Variants in SATB2 observed in about 807,000 individuals in gnomAD.
The protein encoded by SATB2 is DNA-binding protein SATB2.
In SATB2, 1 loss-of-function variant was observed where a neutral mutation model predicts 73.4. The ratio of observed to expected loss-of-function variants is 0.01; its 90% confidence interval spans 0.00 to 0.06. SATB2 has a LOEUF of 0.06. Ranked by LOEUF, SATB2 falls within the 10% of genes least tolerant of loss-of-function variation. SATB2 has a pLI of 1.00. For missense variants in SATB2, 459 were observed against 945.8 expected (o/e 0.49, Z 6.75); for synonymous variants, 397 against 367.0 (o/e 1.08, Z -0.93).
intron 7 of SATB2, among the ~76,000 whole-genome samples, chr2:199,330,370 G>C (rs1267607985): frequency 1.3e-5 from 2 of 152,158 alleles, no homozygotes; most frequent in Admixed American, 6.6e-5. Context: ...TATGTCATCT[G>C]ACAGTTTCAC....
intron 2 of SATB2, among the ~76,000 whole-genome samples, chr2:199,449,202 T>C (rs1056996662): frequency 1.3e-5 from 2 of 152,172 alleles, no homozygotes; most frequent in African/African-American, 2.4e-5. Flanking sequence ...CATAATTATA[T>C]ATCTAAAGCA....
At chr2:199,377,213 A>G (rs1230382092) in intron 5 of SATB2, among the ~76,000 whole-genome samples, 2 of 152,046 alleles carry the variant, frequency 1.3e-5, no homozygotes, top group Admixed American at 6.6e-5. Context: ...CGTCTCTACT[A>G]AAAATACAAA....
rs767626035 is a variant in SATB2 at position 199,291,221 on chromosome 2, C to CTT, written c.1740+17537_1740+17538dup. Reference sequence around the variant, plus strand: ...CAATGTATATATTTTTTTGCCCCCACTTTGATTTAACCTCTATAGTTCCAA... The same window carrying CTT: ...CAATGTATATATTTTTTTGCCCCCACTTTTTGATTTAACCTCTATAGTTCCAA... On this transcript the variant is annotated intron_variant, in intron 10 of 10. Coordinates refer to ENST00000417098, the MANE Select transcript of SATB2 (RefSeq NM_001172509.2). 4.7e-4 allele frequency among the ~76,000 whole-genome samples: 72 copies of CTT among 152,140 alleles called. 1 individual carries two copies. The highest frequency in any genetic ancestry group is 1.0e-3 in the Non-Finnish European group (68 of 68,014).
chr2:199,319,959 AG>A (rs1687840804), intron 9 of SATB2, among the ~76,000 whole-genome samples: 1 of 152,106 alleles, frequency 6.6e-6, no homozygotes, highest in Non-Finnish European at 1.5e-5. Context: ...GAGCCGCAGA[AG>A]ATGTGCCCAC....
At chr2:199,451,091 AACACACACACACACACAC>A (rs56071011) in intron 2 of SATB2, among the ~76,000 whole-genome samples, 3 of 139,222 alleles carry the variant, frequency 2.2e-5, no homozygotes, top group Admixed American at 7.2e-5. Flanking sequence ...ATGTAGTTCC[AACACACACACACACACAC>A]ACACACACAC....
Position 199,455,843 on chromosome 2 carries a change from C to T in SATB2, c.169+26G>A. 1 of 1,534,350 alleles carries T rather than the reference C, an allele frequency of 6.5e-7. No homozygotes were observed. On this transcript the variant is annotated intron_variant, in intron 2 of 10. Coordinates refer to ENST00000417098, the MANE Select transcript of SATB2 (RefSeq NM_001172509.2). The surrounding 1 kb of genome is among the most constrained non-coding windows in gnomAD (Gnocchi z 4.1). ...GCCATTATCACTGGGCCGCGGGCTG[C>T]GCGCCTCCCTGCTCCGGGCTGTTAC...
intron 7 of SATB2, among the ~76,000 whole-genome samples, chr2:199,346,577 G>A (rs1194262625): frequency 5.9e-5 from 9 of 152,230 alleles, no homozygotes; most frequent in Admixed American, 5.9e-4. Context: ...AATAAAGAGA[G>A]AAAAAATGTA....
At chr2:199,365,536 G>C (rs1689258165) in intron 6 of SATB2, among the ~76,000 whole-genome samples, 1 of 152,076 alleles carries the variant, frequency 6.6e-6, no homozygotes, top group Non-Finnish European at 1.5e-5. Flanking sequence ...AATGTGCTTT[G>C]CTGTGATCAC....
chr2:199,383,621 G>C (rs556415739), intron 3 of SATB2, among the ~76,000 whole-genome samples: 1 of 152,118 alleles, frequency 6.6e-6, no homozygotes, highest in South Asian at 2.1e-4. Flanking sequence ...TGTGCACTAT[G>C]ATAGGCAAGT....
At chr2:199,412,355 T>C (rs771828747) in intron 3 of SATB2, among the ~76,000 whole-genome samples, 2 of 151,992 alleles carry the variant, frequency 1.3e-5, no homozygotes, top group African/African-American at 2.4e-5. Flanking sequence ...GAGTGAGAAA[T>C]AGAAGATACA....
chr2:199,314,263 A>G (rs1687670380), intron 9 of SATB2, among the ~76,000 whole-genome samples: 1 of 151,358 alleles, frequency 6.6e-6, no homozygotes, highest in South Asian at 2.1e-4. Flanking sequence ...GCTTCTCAAT[A>G]AATAGTCATT....
chr2:199,310,489 T>A (rs1687567304), intron 9 of SATB2, among the ~76,000 whole-genome samples: 1 of 152,242 alleles, frequency 6.6e-6, no homozygotes, highest in African/African-American at 2.4e-5. Flanking sequence ...CAATTTTTTT[T>A]ATCCATACCA....
chr2:199,316,972 G>A (rs1687753311), intron 9 of SATB2, among the ~76,000 whole-genome samples: 1 of 151,220 alleles, frequency 6.6e-6, no homozygotes. Context: ...CTCCCTTCAG[G>A]TCCAAATGCC....
intron 3 of SATB2, among the ~76,000 whole-genome samples, chr2:199,411,954 G>A (rs969423059): frequency 6.6e-6 from 1 of 152,150 alleles, no homozygotes; most frequent in Non-Finnish European, 1.5e-5. Flanking sequence ...AACTGAAGAG[G>A]GGGAAGCATT....
chr2:199,375,291 G>A (rs761614358), intron 5 of SATB2, among the ~76,000 whole-genome samples: 1 of 152,192 alleles, frequency 6.6e-6, no homozygotes, highest in Non-Finnish European at 1.5e-5. Flanking sequence ...GCCAGTGGCA[G>A]AGGAAAGAGG....
At chr2:199,295,395 A>G (rs1693000364) in intron 10 of SATB2, among the ~76,000 whole-genome samples, 2 of 152,142 alleles carry the variant, frequency 1.3e-5, no homozygotes, top group African/African-American at 4.8e-5. Context: ...TTCGCTGGCA[A>G]ATATTTAACA....
At chr2:199,435,739 G>C (rs920523955) in intron 2 of SATB2, among the ~76,000 whole-genome samples, 1 of 152,162 alleles carries the variant, frequency 6.6e-6, no homozygotes, top group Non-Finnish European at 1.5e-5. Flanking sequence ...AGGGATACAA[G>C]TAAGAACAAG....
At chr2:199,412,139 T>C (rs1212588484) in intron 3 of SATB2, among the ~76,000 whole-genome samples, 1 of 152,138 alleles carries the variant, frequency 6.6e-6, no homozygotes, top group Non-Finnish European at 1.5e-5. Context: ...AGAAAAGCAC[T>C]GTTGACTGGG....
chr2:199,419,448 T>C (rs1206184674), intron 3 of SATB2, among the ~76,000 whole-genome samples: 1 of 152,238 alleles, frequency 6.6e-6, no homozygotes, highest in African/African-American at 2.4e-5. Context: ...AAGGAGTAAG[T>C]TTATGCTAAA....
Sources: gnomAD v4.1 joint callset for allele counts (sites outside exome capture counted in the v4.1 genomes callset) on GRCh38, gnomAD v4.1.1 for gene constraint, Gnocchi (gnomAD v3.1) non-coding constraint, MANE v1.5 for transcripts, NCBI Gene and HGNC (gene_info 2026-07-23, HGNC 2026-07-21) for gene names.